Variants in EPHA6 observed in about 807,000 individuals in gnomAD.
The protein encoded by EPHA6 is EPH receptor A6.
In EPHA6, 50 loss-of-function variants were observed where a neutral mutation model predicts 112.0. That is an observed-to-expected ratio of 0.45 (90% CI 0.36 to 0.56). The LOEUF (loss-of-function observed/expected upper bound fraction) is 0.56, where lower values mean the gene tolerates loss of function less well. Among genes scored for constraint, EPHA6 ranks in the 20% least tolerant of loss-of-function variants. EPHA6 has a pLI of 0.00. For missense variants in EPHA6, 1,280 were observed against 1,417.4 expected (o/e 0.90, Z 1.56); for synonymous variants, 529 against 490.7 (o/e 1.08, Z -1.03).
intron 10 of EPHA6, among the ~76,000 whole-genome samples, chr3:97,499,230 T>C (rs2092058441): frequency 6.6e-6 from 1 of 152,198 alleles, no homozygotes. Context: ...ACGTTACTTA[T>C]TGACTTTCTG....
chr3:97,751,915 G>A lies in EPHA6; in HGVS notation c.*3214G>A, dbSNP rs76568726. ...CTAGATGGTCAATTTTGTCTATGGT[G>A]AACTCATTATCTCATAGTAGAAGGC... On this transcript the variant is annotated 3_prime_UTR_variant, in exon 18 of 18. Coordinates refer to ENST00000389672, the MANE Select transcript of EPHA6 (RefSeq NM_001080448.3). Among the ~76,000 whole-genome samples, 5,819 of 152,086 alleles carry A rather than the reference G, an allele frequency of 0.038. 200 individuals are homozygous for A. The highest frequency in any genetic ancestry group is 0.094 in the African/African-American group (3,894 of 41,478).
chr3:97,437,692 G>A (rs1036272078), intron 6 of EPHA6, among the ~76,000 whole-genome samples: 1 of 151,886 alleles, frequency 6.6e-6, no homozygotes, highest in Non-Finnish European at 1.5e-5. Context: ...TTGTAGAAAC[G>A]GGGTCTCACT....
intron 3 of EPHA6, among the ~76,000 whole-genome samples, chr3:97,061,537 G>A (rs752973949): frequency 1.3e-5 from 2 of 152,124 alleles, no homozygotes; most frequent in Non-Finnish European, 2.9e-5. Context: ...GGAAATCATA[G>A]AAAACAATGT....
At chr3:97,162,894 C>G (rs2076449909) in intron 3 of EPHA6, among the ~76,000 whole-genome samples, 2 of 152,100 alleles carry the variant, frequency 1.3e-5, no homozygotes, top group African/African-American at 4.8e-5. Flanking sequence ...TGTCATAGTC[C>G]TTCTCGACTC....
chr3:97,522,304 G>T (rs965044234), intron 10 of EPHA6, among the ~76,000 whole-genome samples: 80 of 152,162 alleles, frequency 5.3e-4, no homozygotes, highest in Admixed American at 3.7e-3. Context: ...CTATTGAGAT[G>T]ATGATGATTT....
At chr3:97,458,067 CAAAAA>C (rs68128372) in intron 7 of EPHA6, among the ~76,000 whole-genome samples, 65 of 50,584 alleles carry the variant, frequency 1.3e-3, no homozygotes, top group African/African-American at 4.2e-3. Context: ...GACTCCGTCT[CAAAAA>C]AAAAAAAAAA....
chr3:96,981,324 TTGTTTC>T (rs1290254748), intron 2 of EPHA6, among the ~76,000 whole-genome samples: 2 of 152,176 alleles, frequency 1.3e-5, no homozygotes, highest in African/African-American at 4.8e-5. Context: ...GTTTTTGTCT[TTGTTTC>T]TGTTTATGTG....
intron 5 of EPHA6, among the ~76,000 whole-genome samples, chr3:97,329,175 C>T (rs931497885): frequency 5.7e-4 from 87 of 152,148 alleles, no homozygotes; most frequent in African/African-American, 2.0e-3. Flanking sequence ...CATAGTATTC[C>T]ATGGTATATA....
Position 97,637,907 on chromosome 3 carries a change from T to C in EPHA6, c.2609T>C (p.Val870Ala). ...GGCCACTTCACAGTCATCCAGTTGGTCGGAATGCTCCGAGGCATTGCATCA... is the reference window on the plus strand; with the variant it reads ...GGCCACTTCACAGTCATCCAGTTGGCCGGAATGCTCCGAGGCATTGCATCA... ...HDGHFTVIQLVGMLRGIASGM... is the reference protein window; with the variant it reads ...HDGHFTVIQLAGMLRGIASGM... The change falls in exon 14 of 18, where the codon GTC (valine) becomes GCC (alanine). Residue 870 changes from valine to alanine, a missense_variant. Physicochemically the swap from Val to Ala is moderately conservative, Grantham distance 64. Around this residue, in one of 4 missense-constraint regions of EPHA6, gnomAD observed 878 missense variants for 999.7 expected, o/e 0.88. Transcript: ENST00000389672. The C allele has an allele frequency of 6.2e-7, 1 of 1,613,962 alleles. No homozygotes were observed. Among genetic ancestry groups the C allele is most frequent in the South Asian group, 1.1e-5 (1 of 91,084 alleles).
intron 6 of EPHA6, among the ~76,000 whole-genome samples, chr3:97,411,294 C>T (rs889544695): frequency 6.6e-6 from 1 of 152,002 alleles, no homozygotes; most frequent in East Asian, 1.9e-4. Flanking sequence ...CAGAGATTCT[C>T]ATGGTAGCAA....
chr3:97,317,503 T>C (rs1435379507), intron 5 of EPHA6, among the ~76,000 whole-genome samples: 1 of 152,034 alleles, frequency 6.6e-6, no homozygotes, highest in African/African-American at 2.4e-5. Flanking sequence ...TCCTGGAAGT[T>C]ATAGTTTTAT....
chr3:96,900,191 A>G (rs1020928970), intron 2 of EPHA6, among the ~76,000 whole-genome samples: 1 of 152,186 alleles, frequency 6.6e-6, no homozygotes, highest in African/African-American at 2.4e-5. Flanking sequence ...TTTCTCTCAC[A>G]TGCCTCATCA....
chr3:96,907,390 A>G (rs1378565539), intron 2 of EPHA6, among the ~76,000 whole-genome samples: 1 of 151,826 alleles, frequency 6.6e-6, no homozygotes, highest in Non-Finnish European at 1.5e-5. Context: ...TTATGATTAT[A>G]GAAAACTTAA....
chr3:97,191,374 C>T (rs1035122603), intron 3 of EPHA6, among the ~76,000 whole-genome samples: 5 of 151,794 alleles, frequency 3.3e-5, no homozygotes, highest in African/African-American at 1.2e-4. Context: ...TTATTATTGA[C>T]CATAATGACC....
intron 3 of EPHA6, among the ~76,000 whole-genome samples, chr3:97,116,337 A>G (rs2047886145): frequency 6.6e-6 from 1 of 151,752 alleles, no homozygotes; most frequent in African/African-American, 2.4e-5. Flanking sequence ...ATAACTTCAC[A>G]TAGTTATATC....
intron 3 of EPHA6, among the ~76,000 whole-genome samples, chr3:97,142,654 G>A (rs1410917568): frequency 6.6e-6 from 1 of 151,792 alleles, no homozygotes; most frequent in Non-Finnish European, 1.5e-5. Context: ...AATAAGTAAT[G>A]AAATTGAGTC....
At chr3:97,538,703 T>A (rs1478027249) in intron 11 of EPHA6, among the ~76,000 whole-genome samples, 1 of 152,016 alleles carries the variant, frequency 6.6e-6, no homozygotes, top group African/African-American at 2.4e-5. Flanking sequence ...GTCAATAGAA[T>A]AAAATGAGCT....
chr3:96,817,916 G>T (rs2032930148), intron 1 of EPHA6, among the ~76,000 whole-genome samples: 1 of 151,864 alleles, frequency 6.6e-6, no homozygotes, highest in African/African-American at 2.4e-5. Flanking sequence ...GAAGCTGACT[G>T]TAAAGATGAA....
At chr3:97,635,138 T>A (rs2093934907) in intron 13 of EPHA6, among the ~76,000 whole-genome samples, 1 of 152,014 alleles carries the variant, frequency 6.6e-6, no homozygotes, top group African/African-American at 2.4e-5. Flanking sequence ...TGAAAATAAT[T>A]TTGACCTCAT....
Sources: gnomAD v4.1 joint callset for allele counts (sites outside exome capture counted in the v4.1 genomes callset) on GRCh38, gnomAD v4.1.1 for gene constraint, gnomAD v4.1.1 regional missense constraint, MANE v1.5 for transcripts, NCBI Gene and HGNC (gene_info 2026-07-23, HGNC 2026-07-21) for gene names.